The following MATR3 variants were observed in gnomAD, a reference collection of about 807,000 sequenced individuals.
MATR3 encodes matrin 3.
In MATR3, 4 loss-of-function variants were observed where a neutral mutation model predicts 85.5. The ratio of observed to expected loss-of-function variants is 0.05; its 90% confidence interval spans 0.02 to 0.11. The LOEUF (loss-of-function observed/expected upper bound fraction) is 0.11, where lower values mean the gene tolerates loss of function less well. Ranked by LOEUF, MATR3 falls within the 10% of genes least tolerant of loss-of-function variation. The pLI is 1.00. For synonymous variants in MATR3, 336 were observed against 343.1 expected, an observed-to-expected ratio of 0.98 and a Z score of 0.23; for missense variants, 685 against 1,016.1, an observed-to-expected ratio of 0.67 and a Z score of 4.43.
At position 139,319,355 on chromosome 5, in the gene MATR3, C is replaced by G; in HGVS notation, c.1456C>G (p.Gln486Glu). Reference sequence around the variant, plus strand: ...AAAGAAACCTGAAGGAAAGCCAGATCAGAAGTTTGATCAAAAGCAAGAGCT... The same window carrying G: ...AAAGAAACCTGAAGGAAAGCCAGATGAGAAGTTTGATCAAAAGCAAGAGCT... ...RIKKPEGKPDQKFDQKQELGR... is the reference protein window; with the variant it reads ...RIKKPEGKPDEKFDQKQELGR... Residue 486 changes from glutamine to glutamate, a missense_variant, in exon 9 of 15, where the codon CAG becomes GAG. Gln to Glu is a conservative substitution (Grantham distance 29). Coordinates refer to ENST00000394805, the MANE Select transcript of MATR3 (RefSeq NM_018834.6). The G allele has an allele frequency of 1.2e-6, 2 of 1,614,114 alleles. No homozygotes were observed. The highest frequency in any genetic ancestry group is 1.1e-5 in the South Asian group (1 of 91,078).
chr5:139,318,872 G>GA lies in MATR3; in HGVS notation c.1309-30dup, dbSNP rs557970525. ...TAGTTCAATGTGAGAAAGCTGATTGGAAAAAACAGAGAAATAACTTTTTGT... is the reference window on the plus strand; with the variant it reads ...TAGTTCAATGTGAGAAAGCTGATTGGAAAAAAACAGAGAAATAACTTTTTGT... On this transcript the variant is annotated intron_variant, in intron 7 of 14. Coordinates refer to ENST00000394805, the MANE Select transcript of MATR3 (RefSeq NM_018834.6). 1,823 of 1,611,976 alleles carry GA rather than the reference G, an allele frequency of 1.1e-3. 5 individuals are homozygous for GA. The highest frequency in any genetic ancestry group is 1.8e-3 in the South Asian group (163 of 91,040).
chr5:139,310,811 T>A (rs1754929933), intron 2 of MATR3: 1 of 152,218 alleles, frequency 6.6e-6, no homozygotes, highest in East Asian at 1.9e-4. Context: ...TTCTTTTTTT[T>A]TTTGAGACGG....
At chr5:139,284,911 T>A (rs1753654812) in intron 3 of MATR3, among the ~76,000 whole-genome samples, 1 of 152,214 alleles carries the variant, frequency 6.6e-6, no homozygotes, top group Non-Finnish European at 1.5e-5. Context: ...TGATTTTTTG[T>A]CATTAGGGTA....
Position 139,317,109 on chromosome 5 carries a change from A to T in MATR3, c.1182+4A>T. On this transcript the variant is annotated splice_donor_region_variant and intron_variant, in intron 6 of 14. Coordinates refer to ENST00000394805, the MANE Select transcript of MATR3 (RefSeq NM_018834.6). Reference sequence around the variant, plus strand: ...ACACATGCAGAAAGGCAGAGTGGTCAGTAATGAAGCTTTTGGTTTTACTGT... The same window carrying T: ...ACACATGCAGAAAGGCAGAGTGGTCTGTAATGAAGCTTTTGGTTTTACTGT... 1.2e-6 allele frequency: 2 copies of T among 1,613,950 alleles called. No individual in the cohort carries two copies. The highest frequency in any genetic ancestry group is 1.7e-6 in the Non-Finnish European group (2 of 1,179,824).
At chr5:139,325,193 A>C in intron 12 of MATR3, 1 of 663,692 alleles carries the variant, frequency 1.5e-6, no homozygotes, top group Non-Finnish European at 2.1e-6. Flanking sequence ...ACTCCGTCTC[A>C]AAAAAAAAAA....
In MATR3 at chr5:139,330,296, A is replaced by C; in HGVS notation, c.*901A>C. The C allele has an allele frequency of 2.2e-6, 1 of 453,614 alleles. No individual in the cohort carries two copies. The highest frequency in any genetic ancestry group is 1.6e-5 in the South Asian group (1 of 64,324). The allele number at this position is 453,614 out of a possible 1,614,324, so 28.1% of individuals were successfully genotyped here. ...TGCACATGTGACCTTTGTGAACAGAAATTTGCATGTATAATTTGTGTTTAC... is the reference window on the plus strand; with the variant it reads ...TGCACATGTGACCTTTGTGAACAGACATTTGCATGTATAATTTGTGTTTAC... On this transcript the variant is annotated 3_prime_UTR_variant, in exon 15 of 15. Coordinates refer to ENST00000394805, the MANE Select transcript of MATR3 (RefSeq NM_018834.6).
intron 9 of MATR3, among the ~76,000 whole-genome samples, chr5:139,319,746 G>C (rs1421843771): frequency 6.6e-6 from 1 of 151,758 alleles, no homozygotes; most frequent in East Asian, 1.9e-4. Flanking sequence ...GGGAGGCTGA[G>C]GCAGGAGAAT....
At chr5:139,284,620 A>C (rs1753645135) in intron 3 of MATR3, among the ~76,000 whole-genome samples, 1 of 151,950 alleles carries the variant, frequency 6.6e-6, no homozygotes, top group Admixed American at 6.5e-5. Context: ...AAAAAAAAAG[A>C]AAATAATGGA....
chr5:139,290,632 T>C (rs1561922901), upstream of MATR3, among the ~76,000 whole-genome samples: 1 of 151,702 alleles, frequency 6.6e-6, no homozygotes, highest in Non-Finnish European at 1.5e-5. Flanking sequence ...GTATTTTTTG[T>C]AGAGACATGG....
intron 3 of MATR3, among the ~76,000 whole-genome samples, chr5:139,284,117 C>T (rs1402197530): frequency 6.6e-6 from 1 of 152,170 alleles, no homozygotes; most frequent in Admixed American, 6.6e-5. Flanking sequence ...ACCTCTCTGT[C>T]ATAATGTACC....
chr5:139,284,091 A>C (rs748525071), intron 3 of MATR3, among the ~76,000 whole-genome samples: 14 of 152,226 alleles, frequency 9.2e-5, no homozygotes, highest in Non-Finnish European at 1.8e-4. Flanking sequence ...AGTTCTACTG[A>C]CAGTTGGTAA....
intron 1 of MATR3, chr5:139,274,537 C>T (rs1472613981): frequency 6.0e-6 from 1 of 166,152 alleles, no homozygotes; most frequent in Non-Finnish European, 1.3e-5. Flanking sequence ...GAACAATGAA[C>T]CCTCTCTACT....
At position 139,330,914 on chromosome 5, in the gene MATR3, C is replaced by T; in HGVS notation, c.*1519C>T. 2.2e-6 allele frequency: 1 copy of T among 454,054 alleles called. No homozygotes were observed. The highest frequency in any genetic ancestry group is 4.4e-6 in the Non-Finnish European group (1 of 226,794). The allele number at this position is 454,054 out of a possible 1,614,324, so 28.1% of individuals were successfully genotyped here. On this transcript the variant is annotated 3_prime_UTR_variant, in exon 15 of 15. Coordinates refer to ENST00000394805, the MANE Select transcript of MATR3 (RefSeq NM_018834.6). ...CAAATGACCCTCCTACCTCAGTCTC[C>T]TGAGTAGCTGGGACTACAGGCTCAT...
chr5:139,326,632 C>T (rs948344381), intron 14 of MATR3, among the ~76,000 whole-genome samples: 1 of 151,972 alleles, frequency 6.6e-6, no homozygotes, highest in Non-Finnish European at 1.5e-5. Flanking sequence ...TGTTGGCTAG[C>T]CTGGCTGGTC....
upstream of MATR3, among the ~76,000 whole-genome samples, chr5:139,292,515 G>A (rs1561923760): frequency 6.6e-6 from 1 of 152,142 alleles, no homozygotes; most frequent in African/African-American, 2.4e-5. Flanking sequence ...GCCTCTGAAG[G>A]CCGGAGCTCA....
intron 2 of MATR3, chr5:139,312,424 C>T (rs2151973984): frequency 6.6e-6 from 1 of 152,234 alleles, no homozygotes; most frequent in South Asian, 2.1e-4. Flanking sequence ...AAACTGGTCC[C>T]CAAGAAGGCA....
In MATR3 at chr5:139,293,794, C is replaced by T. The variant is rs866040713; in HGVS notation, c.-189C>T. 112 of 399,990 alleles carry T rather than the reference C, an allele frequency of 2.8e-4. 1 individual carries two copies. Among genetic ancestry groups the T allele is most frequent in the African/African-American group, 2.0e-3 (99 of 48,594 alleles). 24.8% of individuals were successfully genotyped at this position (399,990 alleles called of 1,614,324 possible). ...AGAGGTACCTCTCCTTTTCCCTCTC[C>T]CTTTCCCTAAGGTAGGCGTGAAGCG... On this transcript the variant is annotated 5_prime_UTR_variant, in exon 1 of 15. Transcript: ENST00000394805.
chr5:139,276,859 A>G (rs1016536185), intron 2 of MATR3, among the ~76,000 whole-genome samples: 2 of 152,188 alleles, frequency 1.3e-5, no homozygotes, highest in Non-Finnish European at 2.9e-5. Context: ...GGAAACATTG[A>G]TGGTAATTCA....
rs1581261782 is a variant in MATR3, at chr5:139,325,532, T to G, written c.2241T>G (p.Ser747=). The G allele has an allele frequency of 1.9e-6, 3 of 1,614,202 alleles. No homozygotes were observed. Among genetic ancestry groups the G allele is most frequent in the Non-Finnish European group, 2.5e-6 (3 of 1,180,032 alleles). The change falls in exon 13 of 15, where the codon TCT becomes TCG. Residue 747 remains serine (S), a synonymous_variant. Transcript: ENST00000394805. ...AAAACACAGAACCAGGTGCTGAATC[T>G]TCTGAGAACGCTGATGATCCCAACA... ...NEENTEPGAE[S]SENADDPNKD... is the part of the protein sequence containing the mutation.
Sources: allele counts gnomAD v4.1 joint callset (sites outside exome capture counted in the v4.1 genomes callset), GRCh38; gene constraint gnomAD v4.1.1; transcripts MANE v1.5; gene names NCBI Gene and HGNC (gene_info 2026-07-23, HGNC 2026-07-21).